The following GBE1 variants were observed in gnomAD, a reference collection of about 807,000 sequenced individuals.
The protein encoded by GBE1 is 1,4-alpha-glucan branching enzyme 1, also known as 1,4-alpha-glucan-branching enzyme.
GBE1 carries 70 observed loss-of-function variants against 88.8 expected under a neutral mutation model. The observed-to-expected ratio is 0.79, with a 90% CI of 0.65 to 0.96. The LOEUF is 0.96. Among genes scored for constraint, GBE1 ranks in the 40% least tolerant of loss-of-function variants. The pLI is 0.00. For missense variants in GBE1, 872 were observed against 871.0 expected (o/e 1.00, Z -0.01); for synonymous variants, 284 against 300.1 (o/e 0.95, Z 0.56).
intron 1 of GBE1, among the ~76,000 whole-genome samples, chr3:81,751,944 C>G (rs1706533392): frequency 6.6e-6 from 1 of 152,118 alleles, no homozygotes; most frequent in Non-Finnish European, 1.5e-5. Context: ...GTAAAACAAA[C>G]AGTTAATTCT....
At chr3:81,719,892 T>C (rs938207622) in intron 1 of GBE1, among the ~76,000 whole-genome samples, 2 of 152,190 alleles carry the variant, frequency 1.3e-5, no homozygotes, top group African/African-American at 2.4e-5. Context: ...ATCACACTTA[T>C]GAATTTATTA....
intron 10 of GBE1, among the ~76,000 whole-genome samples, chr3:81,583,610 C>T (rs549053534): frequency 2.6e-5 from 4 of 151,982 alleles, no homozygotes; most frequent in East Asian, 1.9e-4. Context: ...GGATAAATCT[C>T]GAGAAAATTT....
At chr3:81,604,413 A>C (rs1461720524) in intron 7 of GBE1, among the ~76,000 whole-genome samples, 1 of 150,670 alleles carries the variant, frequency 6.6e-6, no homozygotes, top group Non-Finnish European at 1.5e-5. Context: ...TCAGCCCCCA[A>C]GTAGCTGGGA....
At chr3:81,625,100 AG>A (rs111767127) in intron 7 of GBE1, among the ~76,000 whole-genome samples, 1,186 of 11,474 alleles carry the variant, frequency 0.1, 14 homozygotes, top group African/African-American at 0.23. Flanking sequence ...AGGGAGGGGG[AG>A]GGGGAGGGGG....
At chr3:81,564,940 G>C (rs1050963252) in intron 12 of GBE1, among the ~76,000 whole-genome samples, 1 of 152,118 alleles carries the variant, frequency 6.6e-6, no homozygotes, top group African/African-American at 2.4e-5. Flanking sequence ...CAGCGATTCT[G>C]TCTCAAATGG....
At chr3:81,619,580 T>C (rs1049352272) in intron 7 of GBE1, among the ~76,000 whole-genome samples, 1 of 152,094 alleles carries the variant, frequency 6.6e-6, no homozygotes, top group Non-Finnish European at 1.5e-5. Flanking sequence ...TTGGAAATTA[T>C]TAACACTTAA....
chr3:81,557,472 G>A (rs1483203613), intron 12 of GBE1, among the ~76,000 whole-genome samples: 3 of 151,776 alleles, frequency 2.0e-5, no homozygotes, highest in Non-Finnish European at 4.4e-5. Context: ...GAAGGAAGAG[G>A]AAGAGGGAAG....
chr3:81,738,799 T>A (rs1268574777), intron 1 of GBE1, among the ~76,000 whole-genome samples: 1 of 152,184 alleles, frequency 6.6e-6, no homozygotes, highest in East Asian at 1.9e-4. Context: ...GGTATTATTA[T>A]CCTCATGTTA....
At chr3:81,497,571 T>A (rs866819923) in intron 15 of GBE1, among the ~76,000 whole-genome samples, 14 of 152,172 alleles carry the variant, frequency 9.2e-5, no homozygotes, top group African/African-American at 2.7e-4. Context: ...AGGGTCAGGA[T>A]TCCAGGTCCT....
chr3:81,669,591 ACTGTTCAAAGAATTGAGAGTATACAGGAG>A (rs1317220281), intron 3 of GBE1, among the ~76,000 whole-genome samples: 3 of 151,944 alleles, frequency 2.0e-5, no homozygotes, highest in Non-Finnish European at 2.9e-5. Context: ...TCTGCCAGGC[ACTGTTCAAAGAATTGAGAGTATACAGGAG>A]TAGGAAAAAA....
intron 6 of GBE1, among the ~76,000 whole-genome samples, chr3:81,646,015 T>C (rs2107065155): frequency 6.6e-6 from 1 of 152,270 alleles, no homozygotes; most frequent in Non-Finnish European, 1.5e-5. Context: ...GTAATTGTTG[T>C]ACCAAGGGAC....
At chr3:81,705,164 T>A (rs1705756513) in intron 2 of GBE1, among the ~76,000 whole-genome samples, 1 of 152,162 alleles carries the variant, frequency 6.6e-6, no homozygotes, top group African/African-American at 2.4e-5. Context: ...TAAGTAAATT[T>A]GGAGTTGTCT....
chr3:81,494,291 C>T (rs116283265), intron 15 of GBE1, among the ~76,000 whole-genome samples: 223 of 152,134 alleles, frequency 1.5e-3, no homozygotes, highest in African/African-American at 5.2e-3. Context: ...TACTAAAGAA[C>T]GTAAGATAAT....
chr3:81,546,218 TCA>T (rs141041109), intron 12 of GBE1, among the ~76,000 whole-genome samples: 17 of 148,762 alleles, frequency 1.1e-4, no homozygotes, highest in Middle Eastern at 6.8e-3. Flanking sequence ...ACACACAAAC[TCA>T]CACACACACA....
intron 12 of GBE1, among the ~76,000 whole-genome samples, chr3:81,538,793 C>A (rs1391960908): frequency 2.0e-5 from 3 of 152,002 alleles, no homozygotes; most frequent in Non-Finnish European, 4.4e-5. Context: ...GGATGATTTA[C>A]AAGAGACTAG....
At chr3:81,751,902 T>C (rs1386241973) in intron 1 of GBE1, among the ~76,000 whole-genome samples, 1 of 152,218 alleles carries the variant, frequency 6.6e-6, no homozygotes, top group African/African-American at 2.4e-5. Flanking sequence ...TGAAAACAGA[T>C]TGATGACACT....
At chr3:81,573,900 C>A (rs1703609372) in intron 12 of GBE1, among the ~76,000 whole-genome samples, 1 of 151,960 alleles carries the variant, frequency 6.6e-6, no homozygotes, top group African/African-American at 2.4e-5. Flanking sequence ...AGGAAACAGT[C>A]AATTCATAAT....
At chr3:81,622,075 G>C (rs1704340926) in intron 7 of GBE1, among the ~76,000 whole-genome samples, 1 of 152,076 alleles carries the variant, frequency 6.6e-6, no homozygotes, top group Admixed American at 6.6e-5. Flanking sequence ...CTCCATTCCA[G>C]CTACCAAACC....
chr3:81,728,163 A>G (rs1045563718), intron 1 of GBE1, among the ~76,000 whole-genome samples: 1 of 152,114 alleles, frequency 6.6e-6, no homozygotes, highest in Non-Finnish European at 1.5e-5. Flanking sequence ...ACGATGTCAA[A>G]CTTCCTGAAT....
Sources: allele counts gnomAD v4.1 joint callset (sites outside exome capture counted in the v4.1 genomes callset), GRCh38; gene constraint gnomAD v4.1.1; transcripts MANE v1.5; gene names NCBI Gene and HGNC (gene_info 2026-07-23, HGNC 2026-07-21).